CFAP96: variants seen among roughly 807,000 people sequenced by gnomAD.
CFAP96 encodes the protein cilia and flagella associated protein 96.
chr4:185,430,329 T>G, the CFAP96 span, among the ~76,000 whole-genome samples: 1 of 152,228 alleles, frequency 6.6e-6, no homozygotes, highest in Admixed American at 6.5e-5. Context: ...TTTGGAGATA[T>G]CTCGAAGATA....
At chr4:185,435,885 T>G in the CFAP96 span, among the ~76,000 whole-genome samples, 1 of 5,750 alleles carries the variant, frequency 1.7e-4, no homozygotes, top group Non-Finnish European at 1.3e-3. Context: ...AAAACATATC[T>G]TATGTCAAAA....
the CFAP96 span, chr4:185,425,739 G>C: frequency 1.4e-6 from 2 of 1,402,188 alleles, no homozygotes; most frequent in Non-Finnish European, 2.0e-6. Flanking sequence ...CCCTGCCCAC[G>C]CAGCTCGCAG....
the CFAP96 span, among the ~76,000 whole-genome samples, chr4:185,446,065 T>G: frequency 5.9e-5 from 9 of 152,212 alleles, no homozygotes; most frequent in East Asian, 1.5e-3. Flanking sequence ...GGTCTCGAAC[T>G]CCCGACCTCA....
the CFAP96 span, chr4:185,422,570 C>T: frequency 6.3e-7 from 1 of 1,583,296 alleles, no homozygotes; most frequent in Non-Finnish European, 8.6e-7. Context: ...TCACCTAGAA[C>T]AAATAAAGAT....
At chr4:185,413,164 G>A in the CFAP96 span, among the ~76,000 whole-genome samples, 1 of 152,088 alleles carries the variant, frequency 6.6e-6, no homozygotes, top group Non-Finnish European at 1.5e-5. Flanking sequence ...AACTAGCCAG[G>A]TGTGGTGGCA....
chr4:185,436,055 AG>A, the CFAP96 span: 3 of 1,541,152 alleles, frequency 1.9e-6, no homozygotes, highest in Non-Finnish European at 2.6e-6. Context: ...GATGTGGCTT[AG>A]GAAGCTACTA....
chr4:185,432,320 T>G, the CFAP96 span: 2 of 770,396 alleles, frequency 2.6e-6, no homozygotes, highest in East Asian at 5.4e-5. Flanking sequence ...TTATTCTTAG[T>G]TTGTCTTAGG....
chr4:185,422,310 G>A, the CFAP96 span, among the ~76,000 whole-genome samples: 1 of 152,198 alleles, frequency 6.6e-6, no homozygotes, highest in African/African-American at 2.4e-5. Flanking sequence ...TGCGCCATGG[G>A]CTGGTGGGTG....
At chr4:185,415,595 G>A in the CFAP96 span, 1 of 1,008,910 alleles carries the variant, frequency 9.9e-7, no homozygotes, top group Non-Finnish European at 1.4e-6. Flanking sequence ...TGGCTCTTAG[G>A]TTAATAATAA....
the CFAP96 span, among the ~76,000 whole-genome samples, chr4:185,436,696 C>T: frequency 5.4e-5 from 6 of 111,310 alleles, no homozygotes; most frequent in Non-Finnish European, 1.1e-4. Context: ...GGTGACAGAA[C>T]GAGACTCCGT....
chr4:185,444,870 A>C, the CFAP96 span: 1 of 1,227,560 alleles, frequency 8.1e-7, no homozygotes. Context: ...AACCAACTCC[A>C]CAGACTACAA....
the CFAP96 span, among the ~76,000 whole-genome samples, chr4:185,425,501 G>A: frequency 6.6e-6 from 1 of 152,158 alleles, no homozygotes; most frequent in Non-Finnish European, 1.5e-5. Context: ...GAGAAACCAG[G>A]GGAGGGAAAT....
At chr4:185,445,370 T>C in the CFAP96 span, 15 of 796,140 alleles carry the variant, frequency 1.9e-5, no homozygotes, top group Non-Finnish European at 2.2e-5. Flanking sequence ...ATTCTGTGCA[T>C]AATTTTTAAA....
the CFAP96 span, chr4:185,431,831 A>C: frequency 1.5e-6 from 1 of 655,726 alleles, no homozygotes; most frequent in African/African-American, 1.8e-5. Flanking sequence ...AGCCATTCAC[A>C]CAGAGCTTTC....
At chr4:185,415,514 T>C in the CFAP96 span, among the ~76,000 whole-genome samples, 5,041 of 152,300 alleles carry the variant, frequency 0.033, 101 homozygotes, top group Middle Eastern at 0.071. Context: ...TTGCTCTTTG[T>C]GGATAAAGGG....
At chr4:185,439,377 G>T in the CFAP96 span, among the ~76,000 whole-genome samples, 1 of 152,098 alleles carries the variant, frequency 6.6e-6, no homozygotes, top group Admixed American at 6.6e-5. Flanking sequence ...ACAAGCAAGG[G>T]CAAGAGAAAA....
At chr4:185,414,456 A>G in the CFAP96 span, among the ~76,000 whole-genome samples, 889 of 152,290 alleles carry the variant, frequency 5.8e-3, 5 homozygotes, top group African/African-American at 0.02. Flanking sequence ...GTTCTTTATC[A>G]TATCTTGTAC....
chr4:185,415,037 A>G, the CFAP96 span: 2 of 870,536 alleles, frequency 2.3e-6, no homozygotes, highest in Admixed American at 3.5e-5. Flanking sequence ...AATAGTCTAA[A>G]TTCCACACTT....
the CFAP96 span, among the ~76,000 whole-genome samples, chr4:185,443,261 C>A: frequency 7.2e-6 from 1 of 138,858 alleles, no homozygotes; most frequent in African/African-American, 2.7e-5. Context: ...TTTATATTTT[C>A]TTAGAAAATC....
Sources: gnomAD v4.1 joint callset for allele counts (sites outside exome capture counted in the v4.1 genomes callset) on GRCh38, gnomAD v4.1.1 for gene constraint, MANE v1.5 for transcripts, NCBI Gene and HGNC (gene_info 2026-07-23, HGNC 2026-07-21) for gene names.